GARIN1B: variants seen among roughly 807,000 people sequenced by gnomAD.
The protein encoded by GARIN1B is golgi associated RAB2 interactor 1B, also known as Golgi-associated RAB2 interactor protein 1B.
At chr7:128,718,783 A>G in the GARIN1B span, 1 of 1,593,804 alleles carries the variant, frequency 6.3e-7, no homozygotes, top group Non-Finnish European at 8.6e-7. Flanking sequence ...ACAGGGTCAG[A>G]TTGGATGCAA....
the GARIN1B span, among the ~76,000 whole-genome samples, chr7:128,711,459 G>A: frequency 6.6e-6 from 1 of 151,994 alleles, no homozygotes; most frequent in Non-Finnish European, 1.5e-5. Flanking sequence ...GAACATGCTT[G>A]GTCCTGTATT....
chr7:128,721,224 G>C, the GARIN1B span, among the ~76,000 whole-genome samples: 2 of 152,304 alleles, frequency 1.3e-5, no homozygotes, highest in East Asian at 3.9e-4. Context: ...CTGGGCTCAA[G>C]CAGTTCTCCT....
At chr7:128,731,155 A>G in the GARIN1B span, 5 of 1,562,508 alleles carry the variant, frequency 3.2e-6, no homozygotes, top group Non-Finnish European at 4.4e-6. Context: ...AAGCCTCGTC[A>G]ACACCACTTT....
the GARIN1B span, chr7:128,725,147 A>G: frequency 5.4e-6 from 1 of 186,576 alleles, no homozygotes; most frequent in South Asian, 1.1e-4. Context: ...CTATTAACAC[A>G]AGAAAAAGAC....
the GARIN1B span, among the ~76,000 whole-genome samples, chr7:128,726,573 TC>T: frequency 2.0e-5 from 3 of 151,674 alleles, no homozygotes; most frequent in African/African-American, 7.3e-5. Flanking sequence ...CACCCCCTCC[TC>T]CTCAGCAAAA....
chr7:128,722,863 G>A, the GARIN1B span, among the ~76,000 whole-genome samples: 1 of 152,040 alleles, frequency 6.6e-6, no homozygotes, highest in Admixed American at 6.6e-5. Flanking sequence ...CTACATTTAA[G>A]TATAAAACCA....
At chr7:128,727,105 A>G in the GARIN1B span, among the ~76,000 whole-genome samples, 2 of 151,932 alleles carry the variant, frequency 1.3e-5, no homozygotes, top group Admixed American at 1.3e-4. Flanking sequence ...TCATTTCTAC[A>G]CCCACAGACC....
the GARIN1B span, among the ~76,000 whole-genome samples, chr7:128,730,907 C>T: frequency 6.6e-6 from 1 of 152,154 alleles, no homozygotes; most frequent in Non-Finnish European, 1.5e-5. Flanking sequence ...GGTGATCTGC[C>T]CACCTTGGCC....
the GARIN1B span, chr7:128,726,935 C>A: frequency 7.1e-7 from 1 of 1,406,382 alleles, no homozygotes; most frequent in Non-Finnish European, 1.0e-6. Context: ...AGAATAAGAT[C>A]CCCTCCAGCC....
At chr7:128,730,956 G>A in the GARIN1B span, 4 of 761,446 alleles carry the variant, frequency 5.3e-6, no homozygotes, top group South Asian at 6.0e-5. Context: ...GAGCCACTGG[G>A]CCCGGCCACC....
At chr7:128,715,924 T>A in the GARIN1B span, among the ~76,000 whole-genome samples, 1 of 106,966 alleles carries the variant, frequency 9.3e-6, no homozygotes, top group Non-Finnish European at 1.9e-5. Context: ...TCCTCTGCTC[T>A]GAGTGGAGAA....
chr7:128,713,124 T>C, the GARIN1B span, among the ~76,000 whole-genome samples: 519 of 152,136 alleles, frequency 3.4e-3, 4 homozygotes, highest in African/African-American at 0.012. Flanking sequence ...TTAGTAGAGA[T>C]GGTGAAACCC....
the GARIN1B span, chr7:128,731,327 A>G: frequency 1.6e-6 from 1 of 614,656 alleles, no homozygotes; most frequent in Non-Finnish European, 2.9e-6. Context: ...TGCCACTGCC[A>G]GAGCTGGCCT....
the GARIN1B span, chr7:128,724,668 ATTAC>A: frequency 2.4e-6 from 3 of 1,252,516 alleles, no homozygotes; most frequent in Non-Finnish European, 3.1e-6. Flanking sequence ...CCTAGTGCCT[ATTAC>A]TTATGGTTTA....
the GARIN1B span, chr7:128,719,113 C>A: frequency 6.2e-7 from 1 of 1,605,816 alleles, no homozygotes; most frequent in South Asian, 1.1e-5. Context: ...ACCCTGCAGT[C>A]AAGGCCAAAG....
At chr7:128,710,291 G>A in the GARIN1B span, among the ~76,000 whole-genome samples, 1 of 152,202 alleles carries the variant, frequency 6.6e-6, no homozygotes, top group Non-Finnish European at 1.5e-5. Context: ...AACTTCACAA[G>A]AGCCAGTGGC....
At chr7:128,716,797 G>A in the GARIN1B span, 3 of 1,590,858 alleles carry the variant, frequency 1.9e-6, no homozygotes, top group Non-Finnish European at 8.6e-7. Context: ...GGTTGTGCCT[G>A]GGGGCTGTGT....
At chr7:128,730,232 T>G in the GARIN1B span, among the ~76,000 whole-genome samples, 3 of 152,174 alleles carry the variant, frequency 2.0e-5, no homozygotes, top group Non-Finnish European at 2.9e-5. Flanking sequence ...CCAACTGGGC[T>G]GAGCAAAACC....
At chr7:128,725,464 C>T in the GARIN1B span, among the ~76,000 whole-genome samples, 5 of 152,168 alleles carry the variant, frequency 3.3e-5, no homozygotes, top group East Asian at 3.9e-4. Context: ...CTCTGCCTCT[C>T]GGGTTCAAGC....
Sources: allele counts gnomAD v4.1 joint callset (sites outside exome capture counted in the v4.1 genomes callset), GRCh38; gene constraint gnomAD v4.1.1; transcripts MANE v1.5; gene names NCBI Gene and HGNC (gene_info 2026-07-23, HGNC 2026-07-21).